HDAC9: variants seen among roughly 807,000 people sequenced by gnomAD.
HDAC9 encodes the protein histone deacetylase 9.
In HDAC9, 41 loss-of-function variants were observed where a neutral mutation model predicts 139.4. That is an observed-to-expected ratio of 0.29 (90% CI 0.23 to 0.38). HDAC9 has a LOEUF of 0.38. Among genes scored for constraint, HDAC9 ranks in the 10% least tolerant of loss-of-function variants. The pLI, the probability that HDAC9 is intolerant of heterozygous loss-of-function variation, is 1.00. For missense variants in HDAC9, 1,147 were observed against 1,297.0 expected, an observed-to-expected ratio of 0.88 and a Z score of 1.78; for synonymous variants, 517 against 476.2, an observed-to-expected ratio of 1.09 and a Z score of -1.12.
intron 1 of HDAC9, among the ~76,000 whole-genome samples, chr7:18,403,154 G>A (rs955073733): frequency 2.0e-5 from 3 of 152,134 alleles, no homozygotes; most frequent in African/African-American, 7.2e-5. Flanking sequence ...TTGACTGTGT[G>A]TACATACAGA....
intron 1 of HDAC9, among the ~76,000 whole-genome samples, chr7:18,417,370 C>T (rs1421692819): frequency 6.6e-6 from 1 of 152,126 alleles, no homozygotes; most frequent in Non-Finnish European, 1.5e-5. Flanking sequence ...CTGCTATTAA[C>T]ATCTGTTTCA....
upstream of HDAC9, among the ~76,000 whole-genome samples, chr7:18,288,097 T>C (rs895280424): frequency 7.9e-5 from 12 of 152,248 alleles, no homozygotes; most frequent in African/African-American, 2.7e-4. Flanking sequence ...TACTGTGCAT[T>C]GTTCACCATT....
intron 1 of HDAC9, among the ~76,000 whole-genome samples, chr7:18,360,361 GGTAATATTTTTCA>G (rs1326607721): frequency 6.6e-6 from 1 of 152,044 alleles, no homozygotes; most frequent in Non-Finnish European, 1.5e-5. Context: ...AATGTCCTTT[GGTAATATTTTTCA>G]GTATCTTCTC....
chr7:18,676,405 T>G (rs1781514093), intron 12 of HDAC9, among the ~76,000 whole-genome samples: 1 of 151,936 alleles, frequency 6.6e-6, no homozygotes, highest in Admixed American at 6.6e-5. Context: ...TGGGAAATCT[T>G]GCAATGATTT....
intron 21 of HDAC9, among the ~76,000 whole-genome samples, chr7:18,861,261 A>G (rs182307738): frequency 1.3e-5 from 2 of 152,308 alleles, no homozygotes; most frequent in East Asian, 3.9e-4. Flanking sequence ...TTTTAATATT[A>G]ACTCTTAATG....
At chr7:18,772,091 C>T (rs1790345226) in intron 16 of HDAC9, among the ~76,000 whole-genome samples, 1 of 152,012 alleles carries the variant, frequency 6.6e-6, no homozygotes, top group Admixed American at 6.6e-5. Context: ...TATGAGAGCA[C>T]AGAGAAGGAA....
intron 2 of HDAC9, among the ~76,000 whole-genome samples, chr7:18,246,488 C>A (rs758474925): frequency 1.3e-5 from 2 of 152,068 alleles, no homozygotes; most frequent in Non-Finnish European, 2.9e-5. Context: ...AAGGAGAACC[C>A]ATATTCACTA....
chr7:18,677,203 T>G (rs1305054756), intron 12 of HDAC9, among the ~76,000 whole-genome samples: 2 of 151,952 alleles, frequency 1.3e-5, no homozygotes, highest in East Asian at 1.9e-4. Flanking sequence ...AGTTTTTATT[T>G]TTCTAGAAGT....
chr7:18,604,582 A>C (rs549888230), intron 6 of HDAC9, among the ~76,000 whole-genome samples: 6 of 151,662 alleles, frequency 4.0e-5, no homozygotes, highest in African/African-American at 1.5e-4. Context: ...TTTAATTTTT[A>C]GTAGAGACGG....
intron 12 of HDAC9, among the ~76,000 whole-genome samples, chr7:18,669,778 C>T (rs927286891): frequency 6.6e-6 from 1 of 151,744 alleles, no homozygotes; most frequent in Non-Finnish European, 1.5e-5. Flanking sequence ...CATTAGAAAA[C>T]TTTTCATTAG....
chr7:18,486,284 G>A (rs901064712), intron 1 of HDAC9, among the ~76,000 whole-genome samples: 2 of 152,072 alleles, frequency 1.3e-5, no homozygotes, highest in African/African-American at 4.8e-5. Context: ...AAAAAGAGAT[G>A]CCATTATTCT....
At chr7:18,143,089 T>C (rs891042709) in intron 1 of HDAC9, among the ~76,000 whole-genome samples, 7 of 152,222 alleles carry the variant, frequency 4.6e-5, no homozygotes, top group Admixed American at 2.6e-4. Flanking sequence ...CATCCCCTGC[T>C]GCTTCATCAC....
At chr7:18,121,554 A>AAC (rs1784365986) in intron 1 of HDAC9, among the ~76,000 whole-genome samples, 1 of 152,104 alleles carries the variant, frequency 6.6e-6, no homozygotes, top group African/African-American at 2.4e-5. Context: ...CAAAAAAAAA[A>AAC]AAAAACCATT....
intron 25 of HDAC9, among the ~76,000 whole-genome samples, chr7:18,985,030 G>A (rs922361601): frequency 2.0e-5 from 3 of 152,088 alleles, no homozygotes; most frequent in African/African-American, 7.2e-5. Flanking sequence ...AGTCTGTACT[G>A]AGAATATTTC....
intron 17 of HDAC9, among the ~76,000 whole-genome samples, chr7:18,821,694 T>C (rs1241477180): frequency 6.6e-6 from 1 of 152,226 alleles, no homozygotes; most frequent in East Asian, 1.9e-4. Flanking sequence ...AACTCAATTC[T>C]GACACTCTCT....
intron 3 of HDAC9, among the ~76,000 whole-genome samples, chr7:18,587,072 T>G (rs1338641487): frequency 6.6e-6 from 1 of 152,158 alleles, no homozygotes; most frequent in Non-Finnish European, 1.5e-5. Context: ...TGAGACATGT[T>G]TCCCTAAATA....
At chr7:18,661,862 G>C (rs1793275535) in intron 11 of HDAC9, among the ~76,000 whole-genome samples, 1 of 152,044 alleles carries the variant, frequency 6.6e-6, no homozygotes, top group South Asian at 2.1e-4. Flanking sequence ...TTTCTGTATT[G>C]CATATCAAAA....
At chr7:18,240,143 C>A (rs1257267446) in intron 2 of HDAC9, among the ~76,000 whole-genome samples, 1 of 152,018 alleles carries the variant, frequency 6.6e-6, no homozygotes, top group Non-Finnish European at 1.5e-5. Context: ...GGGGTGAATT[C>A]TTTAAAAAAG....
intron 6 of HDAC9, among the ~76,000 whole-genome samples, chr7:18,613,125 AATAG>A (rs1418920279): frequency 6.7e-6 from 1 of 148,474 alleles, no homozygotes; most frequent in African/African-American, 2.4e-5. Flanking sequence ...AGTATAATAT[AATAG>A]ATATATTTAT....
Sources: gnomAD v4.1 joint callset for allele counts (sites outside exome capture counted in the v4.1 genomes callset) on GRCh38, gnomAD v4.1.1 for gene constraint, MANE v1.5 for transcripts, NCBI Gene and HGNC (gene_info 2026-07-23, HGNC 2026-07-21) for gene names.